Variants in CCDC91 observed in about 807,000 individuals in gnomAD.
CCDC91 encodes coiled-coil domain containing 91, also known as coiled-coil domain-containing protein 91.
In CCDC91, 48 loss-of-function variants were observed where a neutral mutation model predicts 63.2. The ratio of observed to expected loss-of-function variants is 0.76; its 90% confidence interval spans 0.60 to 0.97. CCDC91 has a LOEUF of 0.97. CCDC91 is among the 50% of genes least tolerant of loss of function. The probability of loss-of-function intolerance (pLI) is 0.00; values close to 1 mark genes in which losing one functional copy is unlikely to be tolerated. For missense variants in CCDC91, 500 were observed against 494.6 expected, an observed-to-expected ratio of 1.01 and a Z score of -0.10; for synonymous variants, 167 against 165.8, an observed-to-expected ratio of 1.01 and a Z score of -0.06.
intron 12 of CCDC91, among the ~76,000 whole-genome samples, chr12:28,521,175 T>G (rs570713067): frequency 6.6e-6 from 1 of 152,340 alleles, no homozygotes; most frequent in African/African-American, 2.4e-5. Context: ...TATGGCCATT[T>G]TCACGATATT....
chr12:28,325,421 G>A lies in CCDC91; in HGVS notation c.576+17672G>A, dbSNP rs139390760. ...TTTTGGGTGATTGTGATACATTAGC[G>A]GAAAAACAACAAAAATCACTGCTTA... On this transcript the variant is annotated intron_variant, in intron 6 of 12. Transcript: ENST00000536442. 2.1e-4 allele frequency among the ~76,000 whole-genome samples: 32 copies of A among 151,872 alleles called. No individual in the cohort carries two copies. The East Asian group carries it at 4.8e-3, about 23-fold the overall frequency.
intron 11 of CCDC91, among the ~76,000 whole-genome samples, chr12:28,477,458 T>TG (rs1422651304): frequency 2.0e-5 from 3 of 152,092 alleles, no homozygotes; most frequent in Non-Finnish European, 4.4e-5. Context: ...TAGGTATTGA[T>TG]GGGACATATC....
intron 1 of CCDC91, among the ~76,000 whole-genome samples, chr12:28,230,607 GA>G (rs1159522260): frequency 2.6e-5 from 4 of 152,058 alleles, no homozygotes; most frequent in Non-Finnish European, 5.9e-5. Context: ...TTATGTATTT[GA>G]TTTTTTTTAA....
intron 12 of CCDC91, among the ~76,000 whole-genome samples, chr12:28,522,370 A>G (rs1408443041): frequency 5.9e-5 from 9 of 152,068 alleles, no homozygotes; most frequent in East Asian, 1.9e-4. Context: ...AGAGATGTTT[A>G]TAGTATTCTC....
At chr12:28,518,225 G>A (rs1940174819) in intron 12 of CCDC91, among the ~76,000 whole-genome samples, 1 of 151,930 alleles carries the variant, frequency 6.6e-6, no homozygotes, top group Non-Finnish European at 1.5e-5. Flanking sequence ...TTTCCATAGT[G>A]GTTGTACTAG....
chr12:28,328,079 T>A (rs1272321591), intron 6 of CCDC91, among the ~76,000 whole-genome samples: 1 of 152,144 alleles, frequency 6.6e-6, no homozygotes, highest in Non-Finnish European at 1.5e-5. Flanking sequence ...TCTTTGCCTT[T>A]CAGGGCATCA....
At chr12:28,534,913 T>A (rs959146493) in intron 12 of CCDC91, among the ~76,000 whole-genome samples, 2 of 152,180 alleles carry the variant, frequency 1.3e-5, no homozygotes, top group Admixed American at 1.3e-4. Flanking sequence ...AATCTAAACC[T>A]CTGCTATCAC....
intron 6 of CCDC91, among the ~76,000 whole-genome samples, chr12:28,347,273 A>G (rs1942875028): frequency 6.6e-6 from 1 of 152,230 alleles, no homozygotes; most frequent in Non-Finnish European, 1.5e-5. Context: ...CAATTGAGCT[A>G]AGAGACAGTA....
At chr12:28,409,123 A>G (rs1306592774) in intron 8 of CCDC91, among the ~76,000 whole-genome samples, 3 of 152,108 alleles carry the variant, frequency 2.0e-5, no homozygotes, top group African/African-American at 2.4e-5. Flanking sequence ...TTCTAATACA[A>G]TGTTTAAATA....
chr12:28,297,123 T>G (rs973293373), intron 3 of CCDC91, among the ~76,000 whole-genome samples: 1 of 151,968 alleles, frequency 6.6e-6, no homozygotes, highest in African/African-American at 2.4e-5. Context: ...AATCATTATT[T>G]TATTGGCATA....
intron 1 of CCDC91, among the ~76,000 whole-genome samples, chr12:28,228,299 C>T (rs1424235094): frequency 6.6e-6 from 1 of 152,082 alleles, no homozygotes; most frequent in Non-Finnish European, 1.5e-5. Flanking sequence ...TAGATATCCT[C>T]ACCCATGAAG....
chr12:28,352,794 CA>C (rs55663445), intron 6 of CCDC91, among the ~76,000 whole-genome samples: 137,260 of 152,170 alleles, frequency 0.9, 63,460 homozygotes, highest in East Asian at 1. Flanking sequence ...AGAACACAGG[CA>C]AGAGCAGCAT....
At chr12:28,491,764 C>T (rs1344311422) in intron 12 of CCDC91, among the ~76,000 whole-genome samples, 1 of 151,578 alleles carries the variant, frequency 6.6e-6, no homozygotes, top group African/African-American at 2.4e-5. Flanking sequence ...TATCTTGGCT[C>T]ATAAAGCTCA....
chr12:28,342,522 T>G (rs1039733396), intron 6 of CCDC91, among the ~76,000 whole-genome samples: 20 of 152,128 alleles, frequency 1.3e-4, no homozygotes, highest in Non-Finnish European at 2.6e-4. Context: ...CTTCAGTGTA[T>G]GAGGGGCAAG....
chr12:28,392,981 G>A (rs1946044447), intron 8 of CCDC91, among the ~76,000 whole-genome samples: 1 of 152,138 alleles, frequency 6.6e-6, no homozygotes, highest in Admixed American at 6.5e-5. Flanking sequence ...GAGACACACA[G>A]CTATCATTAG....
intron 1 of CCDC91, among the ~76,000 whole-genome samples, chr12:28,250,295 G>A (rs1368197726): frequency 1.3e-5 from 2 of 152,052 alleles, no homozygotes; most frequent in Non-Finnish European, 1.5e-5. Context: ...ATTAGTAGTT[G>A]GGATGTTTTC....
chr12:28,247,489 A>G (rs1178959230), intron 1 of CCDC91, among the ~76,000 whole-genome samples: 1 of 152,096 alleles, frequency 6.6e-6, no homozygotes, highest in Non-Finnish European at 1.5e-5. Flanking sequence ...CAAAAAAAAA[A>G]AAAAAAAAGA....
chr12:28,276,025 GA>G (rs1395629141), intron 3 of CCDC91, among the ~76,000 whole-genome samples: 2 of 152,016 alleles, frequency 1.3e-5, no homozygotes, highest in Non-Finnish European at 2.9e-5. Context: ...ATACTGAATG[GA>G]CAAAAACTGG....
intron 6 of CCDC91, among the ~76,000 whole-genome samples, chr12:28,333,081 A>G (rs1941640717): frequency 6.6e-6 from 1 of 152,122 alleles, no homozygotes. Flanking sequence ...GAGAATGTGT[A>G]TGTTGGGCAA....
Sources: allele counts gnomAD v4.1 joint callset (sites outside exome capture counted in the v4.1 genomes callset), GRCh38; gene constraint gnomAD v4.1.1; transcripts MANE v1.5; gene names NCBI Gene and HGNC (gene_info 2026-07-23, HGNC 2026-07-21).